KCNT2: variants seen among roughly 807,000 people sequenced by gnomAD.
KCNT2 encodes the protein potassium channel subfamily T member 2.
KCNT2 carries 67 observed loss-of-function variants against 153.8 expected under a neutral mutation model. The observed-to-expected ratio is 0.44, with a 90% CI of 0.36 to 0.53. The LOEUF is 0.53. Among genes scored for constraint, KCNT2 ranks in the 20% least tolerant of loss-of-function variants. KCNT2 has a pLI of 0.00. For synonymous variants in KCNT2, 500 were observed against 458.8 expected (o/e 1.09, Z -1.15); for missense variants, 975 against 1,354.8 (o/e 0.72, Z 4.40).
rs370594651 is a variant in KCNT2 at position 196,231,689 on chromosome 1, T to G, written c.3297-3354A>C. ...AATGGAGACCACAGAGGATGGATGT[T>G]TCTGATGTGCTTAGAAATGATTTGA... On this transcript the variant is annotated intron_variant, in intron 27 of 27. Transcript: ENST00000294725. Among the ~76,000 whole-genome samples the G allele has an allele frequency of 2.6e-5, 4 of 151,860 alleles. No homozygotes were observed. In the East Asian group the frequency reaches 7.7e-4, roughly 29 times the overall value.
chr1:196,590,573 G>T (rs1187088114), intron 1 of KCNT2, among the ~76,000 whole-genome samples: 1 of 152,126 alleles, frequency 6.6e-6, no homozygotes. Flanking sequence ...TGCCCTTCCA[G>T]ATAATGTAGG....
At chr1:196,483,264 T>C (rs927729596) in intron 3 of KCNT2, among the ~76,000 whole-genome samples, 1 of 152,108 alleles carries the variant, frequency 6.6e-6, no homozygotes, top group Non-Finnish European at 1.5e-5. Flanking sequence ...CATCAAACCT[T>C]TTCAGTCATT....
At position 196,394,165 on chromosome 1, in the gene KCNT2, G is replaced by C. The variant is rs373079547; in HGVS notation, c.1294+4398C>G. The stretch of plus-strand genomic sequence containing the variant: ...AATTTGTATCCTGGTAAAAGAAAAC[G>C]AGTTTAGGCTGACAATGGAGGTATG... On this transcript the variant is annotated intron_variant, in intron 13 of 27. Coordinates refer to ENST00000294725, the MANE Select transcript of KCNT2 (RefSeq NM_198503.5). Among the ~76,000 whole-genome samples, 193 of 151,656 alleles carry C rather than the reference G, an allele frequency of 1.3e-3. 1 individual carries two copies. Among genetic ancestry groups the C allele is most frequent in the African/African-American group, 4.5e-3 (186 of 41,464 alleles).
chr1:196,573,233 AAG>A (rs1023908748), intron 1 of KCNT2, among the ~76,000 whole-genome samples: 10 of 152,250 alleles, frequency 6.6e-5, no homozygotes, highest in East Asian at 3.9e-4. Flanking sequence ...CATACTAAAA[AAG>A]AGAGAATTGT....
At chr1:196,300,019 A>G (rs569844505) in intron 22 of KCNT2, among the ~76,000 whole-genome samples, 1 of 152,230 alleles carries the variant, frequency 6.6e-6, no homozygotes, top group Non-Finnish European at 1.5e-5. Context: ...AGAAAGGCAA[A>G]TATAGTCTGA....
intron 7 of KCNT2, among the ~76,000 whole-genome samples, chr1:196,465,596 T>C (rs887302122): frequency 4.0e-5 from 6 of 151,872 alleles, no homozygotes; most frequent in Admixed American, 2.0e-4. Flanking sequence ...AGTTCAAAGA[T>C]ATTGCTGTAG....
At chr1:196,483,538 G>A (rs1679179660) in intron 3 of KCNT2, among the ~76,000 whole-genome samples, 1 of 152,150 alleles carries the variant, frequency 6.6e-6, no homozygotes, top group Admixed American at 6.6e-5. Context: ...CAGTTGACAT[G>A]GCATTCTTAG....
At chr1:196,258,641 T>A in intron 25 of KCNT2, 147 bp from the exon 26 acceptor site, 1 of 714,640 alleles carries the variant, frequency 1.4e-6, no homozygotes, top group Non-Finnish European at 2.4e-6. Flanking sequence ...TTGATTCTAA[T>A]TTTCCATTAC....
chr1:196,306,916 A>G (rs1661688067), intron 21 of KCNT2, among the ~76,000 whole-genome samples: 1 of 152,042 alleles, frequency 6.6e-6, no homozygotes, highest in African/African-American at 2.4e-5. Flanking sequence ...TTCTAGGGGT[A>G]ATAAATTGTG....
chr1:196,472,698 C>T (rs1022666432), intron 5 of KCNT2, among the ~76,000 whole-genome samples: 20 of 152,138 alleles, frequency 1.3e-4, no homozygotes, highest in African/African-American at 4.8e-4. Flanking sequence ...CTTGGAGAAA[C>T]TTTTTACATT....
intron 12 of KCNT2, among the ~76,000 whole-genome samples, chr1:196,412,266 G>A (rs1672400315): frequency 6.6e-6 from 1 of 151,536 alleles, no homozygotes. Context: ...ACGTAAGATG[G>A]CACTTAGGAC....
chr1:196,566,921 A>G, intron 1 of KCNT2, among the ~76,000 whole-genome samples: 1 of 152,152 alleles, frequency 6.6e-6, no homozygotes, highest in East Asian at 1.9e-4. Flanking sequence ...GGTTTTCATT[A>G]TATACTTCAA....
intron 1 of KCNT2, among the ~76,000 whole-genome samples, chr1:196,545,059 CA>C (rs1656901894): frequency 6.6e-6 from 1 of 151,912 alleles, no homozygotes; most frequent in African/African-American, 2.4e-5. Context: ...AATCCTAGCC[CA>C]GTGGACCTTT....
At chr1:196,380,657 C>A (rs1356562878) in intron 13 of KCNT2, among the ~76,000 whole-genome samples, 1 of 152,056 alleles carries the variant, frequency 6.6e-6, no homozygotes, top group Non-Finnish European at 1.5e-5. Context: ...ATTTTAAAAT[C>A]TAAATGTTAG....
In KCNT2 at chr1:196,555,335, A is replaced by G. The variant is rs140571606; in HGVS notation, c.95+52880T>C. Among the ~76,000 whole-genome samples the G allele has an allele frequency of 8.4e-3, 1,270 of 151,624 alleles. 12 individuals carry two copies. The highest frequency in any genetic ancestry group is 0.029 in the African/African-American group (1,207 of 41,476). On this transcript the variant is annotated intron_variant, in intron 1 of 27. Transcript: ENST00000294725. ...GATACAAAATCAACATACAAAAATC[A>G]GTAGCATTTCTATATGCCAACAGTT...
intron 27 of KCNT2, among the ~76,000 whole-genome samples, chr1:196,234,586 A>G (rs1054875167): frequency 4.0e-5 from 6 of 151,112 alleles, no homozygotes; most frequent in African/African-American, 1.5e-4. Context: ...CCTATCAGTC[A>G]ATTCTATTGT....
intron 1 of KCNT2, among the ~76,000 whole-genome samples, chr1:196,499,969 C>A (rs994663954): frequency 2.0e-5 from 3 of 151,768 alleles, no homozygotes; most frequent in Admixed American, 2.0e-4. Context: ...AATGGTGAAA[C>A]CCCATCTCTA....
intron 1 of KCNT2, among the ~76,000 whole-genome samples, chr1:196,597,458 T>A (rs1481328088): frequency 6.6e-6 from 1 of 152,046 alleles, no homozygotes; most frequent in Admixed American, 6.6e-5. Flanking sequence ...TTCTCTATAG[T>A]TATATCAGCA....
chr1:196,553,846 C>A (rs1658277435), intron 1 of KCNT2, among the ~76,000 whole-genome samples: 2 of 150,622 alleles, frequency 1.3e-5, no homozygotes, highest in Non-Finnish European at 3.0e-5. Context: ...GGTGTAAAAA[C>A]ACATAGATAT....
Sources: allele counts gnomAD v4.1 joint callset (sites outside exome capture counted in the v4.1 genomes callset), GRCh38; gene constraint gnomAD v4.1.1; transcripts MANE v1.5; gene names NCBI Gene and HGNC (gene_info 2026-07-23, HGNC 2026-07-21).